Variants in CTNNBL1 observed in about 807,000 individuals in gnomAD.
CTNNBL1 encodes the protein catenin beta like 1.
A neutral mutation model predicts 72.7 loss-of-function variants in CTNNBL1; 31 were observed. The observed-to-expected ratio is 0.43, with a 90% CI of 0.32 to 0.58. The LOEUF is 0.58. Among genes scored for constraint, CTNNBL1 ranks in the 20% least tolerant of loss-of-function variants. The probability of loss-of-function intolerance (pLI) is 0.08; values close to 1 mark genes in which losing one functional copy is unlikely to be tolerated. For synonymous variants in CTNNBL1, 240 were observed against 267.3 expected (o/e 0.90, Z 1.00); for missense variants, 534 against 725.1 (o/e 0.74, Z 3.03).
At chr20:37,804,302 T>C (rs2071932919) in intron 11 of CTNNBL1, among the ~76,000 whole-genome samples, 1 of 152,178 alleles carries the variant, frequency 6.6e-6, no homozygotes, top group Non-Finnish European at 1.5e-5. Context: ...AGATAAACTT[T>C]TCAGACAGTC....
intron 10 of CTNNBL1, among the ~76,000 whole-genome samples, chr20:37,801,643 A>G (rs904340738): frequency 2.6e-5 from 4 of 152,268 alleles, no homozygotes; most frequent in Non-Finnish European, 4.4e-5. Flanking sequence ...CAGAAAAAGC[A>G]TCTGACACAG....
At position 37,860,527 on chromosome 20, in the gene CTNNBL1, T is replaced by C. The variant is rs6096557; in HGVS notation, c.1603+183T>C. Among the ~76,000 whole-genome samples, 591 of 152,338 alleles carry C rather than the reference T, an allele frequency of 3.9e-3. 2 individuals carry two copies. Among genetic ancestry groups the C allele is most frequent in the African/African-American group, 0.014 (571 of 41,570 alleles). ...AGAATACGGAAGACTAGCCTTGTTGTTCTCTGCCTCTTACCCTCCAGTTCC... is the reference window on the plus strand; with the variant it reads ...AGAATACGGAAGACTAGCCTTGTTGCTCTCTGCCTCTTACCCTCCAGTTCC... On this transcript the variant is annotated intron_variant, in intron 15 of 15. Coordinates refer to ENST00000361383, the MANE Select transcript of CTNNBL1 (RefSeq NM_030877.5).
At chr20:37,697,007 C>T in intron 1 of CTNNBL1, among the ~76,000 whole-genome samples, 1 of 150,960 alleles carries the variant, frequency 6.6e-6, no homozygotes, top group East Asian at 2.0e-4. Flanking sequence ...CATGAAGAAA[C>T]CATGTCTCTA....
At chr20:37,719,833 T>C (rs2073024724) in intron 1 of CTNNBL1, among the ~76,000 whole-genome samples, 2 of 151,542 alleles carry the variant, frequency 1.3e-5, no homozygotes, top group South Asian at 2.1e-4. Context: ...TTTTTTATTT[T>C]TCTTTTCTTT....
intron 10 of CTNNBL1, among the ~76,000 whole-genome samples, chr20:37,792,521 G>A (rs560999688): frequency 7.2e-5 from 11 of 152,162 alleles, no homozygotes; most frequent in African/African-American, 2.6e-4. Context: ...TGTTTAATTT[G>A]CTATTCTTTT....
chr20:37,828,483 C>A (rs2072179961), intron 11 of CTNNBL1, among the ~76,000 whole-genome samples: 1 of 152,122 alleles, frequency 6.6e-6, no homozygotes, highest in African/African-American at 2.4e-5. Flanking sequence ...CACCTCCTAG[C>A]TGTGAGACCC....
intron 7 of CTNNBL1, among the ~76,000 whole-genome samples, 170 bp downstream of exon 7, chr20:37,768,214 C>T (rs573325432): frequency 6.6e-6 from 1 of 152,252 alleles, no homozygotes; most frequent in East Asian, 1.9e-4. Flanking sequence ...AAACAAGAGG[C>T]TTTAAAAATA....
At chr20:37,794,782 G>A (rs762626944) in intron 10 of CTNNBL1, among the ~76,000 whole-genome samples, 5 of 152,034 alleles carry the variant, frequency 3.3e-5, no homozygotes, top group South Asian at 2.1e-4. Context: ...GATTACAGGC[G>A]TGAGCCACCG....
At chr20:37,751,417 A>C (rs1052722026) in intron 4 of CTNNBL1, 7 of 152,086 alleles carry the variant, frequency 4.6e-5, no homozygotes, top group African/African-American at 1.7e-4. Flanking sequence ...TTTGGTGTGG[A>C]ATAATTTAGG....
chr20:37,842,596 C>T (rs1016543748), intron 13 of CTNNBL1, among the ~76,000 whole-genome samples, 177 bp downstream of exon 13: 4 of 152,200 alleles, frequency 2.6e-5, no homozygotes, highest in African/African-American at 4.8e-5. Flanking sequence ...ACACGAATGA[C>T]ACCCTTTCAG....
At chr20:37,785,749 C>T (rs917535994) in intron 10 of CTNNBL1, among the ~76,000 whole-genome samples, 1 of 152,282 alleles carries the variant, frequency 6.6e-6, no homozygotes, top group East Asian at 1.9e-4. Flanking sequence ...TGGTCTCTTA[C>T]TTAGTTCATT....
intron 1 of CTNNBL1, among the ~76,000 whole-genome samples, chr20:37,707,377 T>C (rs1476423179): frequency 6.6e-6 from 1 of 152,262 alleles, no homozygotes; most frequent in Non-Finnish European, 1.5e-5. Context: ...CTAATTCTTC[T>C]GACTAACTTG....
At chr20:37,850,134 CACAGAAGT>C (rs1321695031) in intron 13 of CTNNBL1, among the ~76,000 whole-genome samples, 3 of 152,158 alleles carry the variant, frequency 2.0e-5, no homozygotes, top group Admixed American at 2.0e-4. Flanking sequence ...GCATCGCTAT[CACAGAAGT>C]ACTGATTCTC....
intron 13 of CTNNBL1, chr20:37,847,792 T>TG (rs2072359077): frequency 6.5e-6 from 1 of 152,764 alleles, no homozygotes; most frequent in African/African-American, 2.4e-5. Flanking sequence ...CCACATAGTT[T>TG]GCACCGTAAT....
intron 1 of CTNNBL1, among the ~76,000 whole-genome samples, chr20:37,725,546 T>TC (rs143387671): frequency 1 from 150,896 of 150,902 alleles, 75,445 homozygotes; most frequent in Middle Eastern, 1. Flanking sequence ...TCTGCCTGCC[T>TC]GCCTTGCCTC....
At chr20:37,724,887 A>G (rs1271869298) in intron 1 of CTNNBL1, among the ~76,000 whole-genome samples, 8 of 148,550 alleles carry the variant, frequency 5.4e-5, no homozygotes, top group African/African-American at 2.0e-4. Flanking sequence ...TGGAAGTCCG[A>G]GGGCGGGTGG....
At chr20:37,713,118 C>T (rs932290042) in intron 1 of CTNNBL1, among the ~76,000 whole-genome samples, 12 of 152,180 alleles carry the variant, frequency 7.9e-5, no homozygotes, top group African/African-American at 2.9e-4. Context: ...GCTTCAGCCC[C>T]ATTTTTTTTG....
At chr20:37,729,044 C>A (rs535430642) in intron 1 of CTNNBL1, among the ~76,000 whole-genome samples, 1 of 152,156 alleles carries the variant, frequency 6.6e-6, no homozygotes, top group Non-Finnish European at 1.5e-5. Flanking sequence ...ACCCTTCAAA[C>A]CTTATAACTC....
intron 10 of CTNNBL1, among the ~76,000 whole-genome samples, chr20:37,781,512 A>G (rs2073625366): frequency 6.6e-6 from 1 of 152,184 alleles, no homozygotes; most frequent in African/African-American, 2.4e-5. Context: ...TAGATCTCCT[A>G]ACTTCATTTT....
Sources: allele counts gnomAD v4.1 joint callset (sites outside exome capture counted in the v4.1 genomes callset), GRCh38; gene constraint gnomAD v4.1.1; transcripts MANE v1.5; gene names NCBI Gene and HGNC (gene_info 2026-07-23, HGNC 2026-07-21).